CLPTM1: variants seen among roughly 807,000 people sequenced by gnomAD.
CLPTM1 encodes putative lipid scramblase CLPTM1.
A neutral mutation model predicts 77.3 loss-of-function variants in CLPTM1; 21 were observed. The observed-to-expected ratio is 0.27, with a 90% CI of 0.19 to 0.39. The LOEUF (loss-of-function observed/expected upper bound fraction) is 0.39. Among genes scored for constraint, CLPTM1 ranks in the 10% least tolerant of loss-of-function variants. The probability of loss-of-function intolerance (pLI) is 1.00; values close to 1 mark genes in which losing one functional copy is unlikely to be tolerated. For missense variants in CLPTM1, 642 were observed against 921.2 expected, an observed-to-expected ratio of 0.70 and a Z score of 3.92; for synonymous variants, 373 against 381.0, an observed-to-expected ratio of 0.98 and a Z score of 0.24.
chr19:44,954,971 G>T (rs1265005089), upstream of CLPTM1: 1 of 1,534,810 alleles, frequency 6.5e-7, no homozygotes, highest in South Asian at 1.2e-5. Flanking sequence ...AGAGGGGCGT[G>T]GTTCGAAGCC....
intron 4 of CLPTM1, 128 bp from the exon 5 acceptor site, chr19:44,977,215 T>A (rs946224819): frequency 1.6e-5 from 12 of 734,666 alleles, no homozygotes; most frequent in African/African-American, 1.6e-4. Context: ...TGCCCCACCC[T>A]GAGTACTCAG....
chr19:44,977,836 C>G (rs1197528315), intron 5 of CLPTM1, among the ~76,000 whole-genome samples: 1 of 152,138 alleles, frequency 6.6e-6, no homozygotes, highest in African/African-American at 2.4e-5. Context: ...AATTTGTGGG[C>G]TGGGTGCAGT....
rs139506455 is a variant in CLPTM1, at chr19:44,990,044, T to A, written c.1133-351T>A. 1,290 of 265,322 alleles carry A rather than the reference T, an allele frequency of 4.9e-3. 7 individuals carry two copies. Among genetic ancestry groups the A allele is most frequent in the Non-Finnish European group, 7.3e-3 (1,023 of 140,086 alleles). 16.4% of individuals were successfully genotyped at this position (265,322 alleles called of 1,614,324 possible). A position where few individuals can be genotyped will look rare whatever the true frequency, so the allele number is the denominator to read the frequency against. On this transcript the variant is annotated intron_variant, in intron 9 of 13. Transcript: ENST00000337392. This position sits in a 1 kb window ranked among gnomAD's most constrained non-coding sequence, Gnocchi z 4.8. ...CCCTTCAGATTCTGCCATGCCAGGC[T>A]GTTTGGCCTCAGGGAAGCAGCTTCC...
intron 5 of CLPTM1, among the ~76,000 whole-genome samples, 173 bp from the exon 6 acceptor site, chr19:44,985,045 T>C (rs954247027): frequency 8.5e-5 from 13 of 152,104 alleles, no homozygotes; most frequent in African/African-American, 3.1e-4. Flanking sequence ...CTGGGATTCG[T>C]TGAGATTTGG....
At chr19:44,982,061 G>A (rs1203138411) in intron 5 of CLPTM1, among the ~76,000 whole-genome samples, 1 of 151,768 alleles carries the variant, frequency 6.6e-6, no homozygotes, top group Non-Finnish European at 1.5e-5. Flanking sequence ...AGAATCTAGT[G>A]TGTGTGACTG....
chr19:44,974,579 T>G lies in CLPTM1; in HGVS notation c.450T>G (p.Ala150=). 1 of 1,614,094 alleles carries G rather than the reference T, an allele frequency of 6.2e-7. No homozygotes were observed. Among genetic ancestry groups the G allele is most frequent in the Non-Finnish European group, 8.5e-7 (1 of 1,179,946 alleles). ...ENSDGCYEHF[A]ELDIPQSVQQ... The stretch of plus-strand genomic sequence containing the variant: ...CAGACGGCTGCTACGAGCACTTTGC[T>G]GAGCTCGATATCCCACAGGTGGGGG... Residue 150 remains alanine (A), a synonymous_variant, in exon 4 of 14, where the codon GCT becomes GCG. Transcript: ENST00000337392.
Position 44,991,188 on chromosome 19 carries a change from C to T in CLPTM1, c.1420-50C>T. 1 of 1,607,790 alleles carries T rather than the reference C, an allele frequency of 6.2e-7. No homozygotes were observed. The highest frequency in any genetic ancestry group is 8.5e-7 in the Non-Finnish European group (1 of 1,176,020). On this transcript the variant is annotated intron_variant, in intron 11 of 13. Transcript: ENST00000337392. This position sits in a 1 kb window ranked among gnomAD's most constrained non-coding sequence, Gnocchi z 5.4. The stretch of plus-strand genomic sequence containing the variant: ...TGGGTGAGGGCGGGGAGCAGGGCTG[C>T]CAGGCAGGGCTGAGGAGCTGGCTGA...
intron 2 of CLPTM1, 58 bp from the exon 3 acceptor site, chr19:44,973,029 G>A (rs777698826): frequency 6.8e-5 from 108 of 1,595,542 alleles, no homozygotes; most frequent in Non-Finnish European, 7.6e-5. Flanking sequence ...AAGTCAGGCG[G>A]GTCTATGGCG....
At chr19:44,983,823 C>CT (rs1034045031) in intron 5 of CLPTM1, among the ~76,000 whole-genome samples, 5 of 150,124 alleles carry the variant, frequency 3.3e-5, no homozygotes, top group Non-Finnish European at 5.9e-5. Context: ...TTAGCAGAGC[C>CT]TGGTGGCACA....
At chr19:44,979,335 G>A (rs368231045) in intron 5 of CLPTM1, among the ~76,000 whole-genome samples, 150 of 152,156 alleles carry the variant, frequency 9.9e-4, no homozygotes, top group African/African-American at 3.5e-3. Context: ...ATGGGCAGCC[G>A]TAGAAATCTC....
chr19:44,977,289 G>A (rs533959297), intron 4 of CLPTM1, 54 bp from the exon 5 acceptor site: 35 of 1,345,300 alleles, frequency 2.6e-5, no homozygotes, highest in Non-Finnish European at 3.4e-5. Flanking sequence ...GGGCTTTAAC[G>A]TTTCCCTCAC....
At position 44,993,214 on chromosome 19, in the gene CLPTM1, C is replaced by G. The variant is rs370598311; in HGVS notation, c.*317C>G. ...TTGGGCGGGGGTGGGGCCGGGCCCCCCTACGGGATGCCCACGGCCGTTCAT... is the reference window on the plus strand; with the variant it reads ...TTGGGCGGGGGTGGGGCCGGGCCCCGCTACGGGATGCCCACGGCCGTTCAT... On this transcript the variant is annotated 3_prime_UTR_variant, in exon 14 of 14. Transcript: ENST00000337392. 634 of 559,456 alleles carry G rather than the reference C, an allele frequency of 1.1e-3. 5 individuals carry two copies. Among genetic ancestry groups the G allele is most frequent in the African/African-American group, 0.011 (570 of 53,834 alleles). The allele number at this position is 559,456 out of a possible 1,614,324, so 34.7% of individuals were successfully genotyped here.
At position 44,986,437 on chromosome 19, in the gene CLPTM1, C is replaced by T; in HGVS notation, c.673-18C>T. 1.2e-6 allele frequency: 2 copies of T among 1,612,350 alleles called. No homozygotes were observed. The highest frequency in any genetic ancestry group is 1.7e-6 in the Non-Finnish European group (2 of 1,179,048). ...ACTTCCACCTGCCTCTGAGGTCCTT[C>T]CCCCCATGTTGCCTCAGAGGGCTGA... On this transcript the variant is annotated intron_variant, in intron 6 of 13. Coordinates refer to ENST00000337392, the MANE Select transcript of CLPTM1 (RefSeq NM_001294.4).
rs1348545262 is a variant in CLPTM1, at chr19:44,955,434, C to G, written c.39C>G (p.Ala13=). The G allele has an allele frequency of 9.9e-6, 13 of 1,307,776 alleles. No homozygotes were observed. The highest frequency in any genetic ancestry group is 1.2e-5 in the Non-Finnish European group (12 of 1,029,066). 81.0% of individuals were successfully genotyped at this position (1,307,776 alleles called of 1,614,324 possible). A position where few individuals can be genotyped will look rare whatever the true frequency, so the allele number is the denominator to read the frequency against. ...AGGAGGCGGACGGGGCCCGCAGCGC[C>G]GTGGTGGCGGCCGGGGGAGGCAGCT... ...AAQEADGARS[A]VVAAGGGSSG... is the part of the protein sequence containing the mutation. The change falls in exon 1 of 14, where the codon GCC becomes GCG. Residue 13 remains alanine, a synonymous_variant. Transcript: ENST00000337392.
intron 6 of CLPTM1, among the ~76,000 whole-genome samples, chr19:44,985,798 C>T (rs760767795): frequency 1.3e-5 from 2 of 152,158 alleles, no homozygotes; most frequent in East Asian, 1.9e-4. Flanking sequence ...CCTCTCTCTG[C>T]GGGTGGTCCT....
intron 6 of CLPTM1, among the ~76,000 whole-genome samples, chr19:44,985,832 C>T (rs1053025493): frequency 1.7e-4 from 26 of 151,510 alleles, no homozygotes; most frequent in African/African-American, 4.7e-4. Flanking sequence ...GGTCCCTGCT[C>T]ATGGAGCTGA....
chr19:44,968,754 G>T (rs1488735488), intron 2 of CLPTM1, among the ~76,000 whole-genome samples: 1 of 152,180 alleles, frequency 6.6e-6, no homozygotes, highest in African/African-American at 2.4e-5. Flanking sequence ...TAAGCCAGGG[G>T]CAGAGCTGCC....
At position 44,991,990 on chromosome 19, in the gene CLPTM1, C is replaced by T. The variant is rs972518961; in HGVS notation, c.1556-243C>T. On this transcript the variant is annotated intron_variant, in intron 12 of 13. Transcript: ENST00000337392. This position sits in a 1 kb window ranked among gnomAD's most constrained non-coding sequence, Gnocchi z 5.4. ...GGGAGGATGCACATTAATAGGGGTC[C>T]GGGGGCCCCTCTGAGGACAGGACAT... 3.3e-5 allele frequency among the ~76,000 whole-genome samples: 5 copies of T among 151,990 alleles called. No individual in the cohort carries two copies. The highest frequency in any genetic ancestry group is 7.4e-5 in the Non-Finnish European group (5 of 67,990).
chr19:44,991,048 G>A lies in CLPTM1; in HGVS notation c.1419+103G>A. 2 of 1,305,198 alleles carry A rather than the reference G, an allele frequency of 1.5e-6. No homozygotes were observed. The highest frequency in any genetic ancestry group is 1.1e-6 in the Non-Finnish European group (1 of 921,676). 80.9% of individuals were successfully genotyped at this position (1,305,198 alleles called of 1,614,324 possible). On this transcript the variant is annotated intron_variant, in intron 11 of 13. Coordinates refer to ENST00000337392, the MANE Select transcript of CLPTM1 (RefSeq NM_001294.4). This position sits in a 1 kb window ranked among gnomAD's most constrained non-coding sequence, Gnocchi z 5.4. ...CTGTCTGCCGGACCCATGCTTTACAGCCTGTGCCACATCCTCTGTGTCCCC... is the reference window on the plus strand; with the variant it reads ...CTGTCTGCCGGACCCATGCTTTACAACCTGTGCCACATCCTCTGTGTCCCC...
Sources: gnomAD v4.1 joint callset for allele counts (sites outside exome capture counted in the v4.1 genomes callset) on GRCh38, gnomAD v4.1.1 for gene constraint, Gnocchi (gnomAD v3.1) non-coding constraint, MANE v1.5 for transcripts, NCBI Gene and HGNC (gene_info 2026-07-23, HGNC 2026-07-21) for gene names.